The following FHOD3 variants were observed in gnomAD, a reference collection of about 807,000 sequenced individuals.
FHOD3 encodes the protein FH1/FH2 domain-containing protein 3.
FHOD3 carries 90 observed loss-of-function variants against 173.0 expected under a neutral mutation model. The ratio of observed to expected loss-of-function variants is 0.52; its 90% CI spans 0.44 to 0.62. The LOEUF is 0.62. Among genes scored for constraint, FHOD3 ranks in the 20% least tolerant of loss-of-function variants. FHOD3 has a pLI of 0.00. For missense variants in FHOD3, 1,945 were observed against 2,034.7 expected, an observed-to-expected ratio of 0.96 and a Z score of 0.85; for synonymous variants, 828 against 823.0, an observed-to-expected ratio of 1.01 and a Z score of -0.10.
chr18:36,642,030 T>C (rs1483759978), intron 10 of FHOD3, among the ~76,000 whole-genome samples: 1 of 151,632 alleles, frequency 6.6e-6, no homozygotes, highest in Non-Finnish European at 1.5e-5. Context: ...AGTAAACGAA[T>C]GCAGGAACAG....
At chr18:36,455,457 C>G (rs1479981968) in intron 3 of FHOD3, among the ~76,000 whole-genome samples, 1 of 152,014 alleles carries the variant, frequency 6.6e-6, no homozygotes, top group Non-Finnish European at 1.5e-5. Context: ...TTAATCCTAT[C>G]TATATATTAT....
At chr18:36,475,623 C>T (rs1251090321) in intron 3 of FHOD3, among the ~76,000 whole-genome samples, 1 of 152,074 alleles carries the variant, frequency 6.6e-6, no homozygotes, top group Admixed American at 6.6e-5. Context: ...GGTACAGAAA[C>T]TGTTACTCAT....
intron 17 of FHOD3, among the ~76,000 whole-genome samples, chr18:36,699,707 C>T (rs2039474652): frequency 6.6e-6 from 1 of 152,198 alleles, no homozygotes; most frequent in African/African-American, 2.4e-5. Context: ...CAAAATGATA[C>T]AACACCTGCA....
At chr18:36,570,819 A>G (rs1333139963) in intron 5 of FHOD3, among the ~76,000 whole-genome samples, 2 of 152,168 alleles carry the variant, frequency 1.3e-5, no homozygotes, top group African/African-American at 4.8e-5. Context: ...TCATTCATTC[A>G]TGATTTACAA....
At chr18:36,338,540 C>T (rs182273103) in intron 1 of FHOD3, among the ~76,000 whole-genome samples, 4 of 152,326 alleles carry the variant, frequency 2.6e-5, no homozygotes, top group African/African-American at 9.6e-5. Flanking sequence ...CCCATCATTT[C>T]ACAGCTGTGA....
At chr18:36,598,518 G>A (rs1319270408) in intron 7 of FHOD3, among the ~76,000 whole-genome samples, 1 of 152,150 alleles carries the variant, frequency 6.6e-6, no homozygotes, top group Admixed American at 6.5e-5. Flanking sequence ...CCAGCGTAAG[G>A]AGTGATCAGT....
chr18:36,508,133 G>C (rs2055406379), intron 4 of FHOD3, among the ~76,000 whole-genome samples: 1 of 152,150 alleles, frequency 6.6e-6, no homozygotes, highest in South Asian at 2.1e-4. Flanking sequence ...TCTGAGACTG[G>C]TGTGTGTGCG....
At chr18:36,386,316 G>A (rs1568203876) in intron 3 of FHOD3, among the ~76,000 whole-genome samples, 1 of 152,170 alleles carries the variant, frequency 6.6e-6, no homozygotes, top group Non-Finnish European at 1.5e-5. Flanking sequence ...ATGGGCATGG[G>A]TGCTGGGGTT....
At chr18:36,773,524 G>A (rs190378489) in intron 28 of FHOD3, among the ~76,000 whole-genome samples, 2 of 152,208 alleles carry the variant, frequency 1.3e-5, no homozygotes, top group South Asian at 2.1e-4. Context: ...TGGGTCTCAC[G>A]AGTGACTTGG....
At chr18:36,601,620 C>G (rs1450801140) in intron 7 of FHOD3, among the ~76,000 whole-genome samples, 1 of 152,156 alleles carries the variant, frequency 6.6e-6, no homozygotes, top group Non-Finnish European at 1.5e-5. Flanking sequence ...TCTGACATAG[C>G]CCATCCAAGG....
chr18:36,400,538 T>C (rs186422834), intron 3 of FHOD3, among the ~76,000 whole-genome samples: 2 of 152,318 alleles, frequency 1.3e-5, no homozygotes, highest in Non-Finnish European at 2.9e-5. Context: ...GAATTTTCCC[T>C]AGATCTCTGG....
At chr18:36,598,802 G>A (rs2030903990) in intron 7 of FHOD3, among the ~76,000 whole-genome samples, 1 of 152,184 alleles carries the variant, frequency 6.6e-6, no homozygotes, top group Non-Finnish European at 1.5e-5. Context: ...ACCCGCCTCG[G>A]CCTCCCAAAG....
At chr18:36,417,427 C>T (rs117413973) in intron 3 of FHOD3, among the ~76,000 whole-genome samples, 1,774 of 152,280 alleles carry the variant, frequency 0.012, 20 homozygotes, top group Non-Finnish European at 0.02. Context: ...GCATGGTATT[C>T]CATGGTGTAC....
intron 5 of FHOD3, among the ~76,000 whole-genome samples, chr18:36,560,209 C>A (rs1309077432): frequency 6.6e-6 from 1 of 152,186 alleles, no homozygotes; most frequent in Non-Finnish European, 1.5e-5. Context: ...TCCTTTCTGT[C>A]TGAGGGTAGT....
At chr18:36,619,411 A>G (rs2033516545) in intron 9 of FHOD3, among the ~76,000 whole-genome samples, 1 of 152,112 alleles carries the variant, frequency 6.6e-6, no homozygotes, top group Admixed American at 6.5e-5. Flanking sequence ...TCATGTCTCC[A>G]CCTCTGCAAA....
At chr18:36,451,469 C>T (rs912922730) in intron 3 of FHOD3, among the ~76,000 whole-genome samples, 2 of 152,224 alleles carry the variant, frequency 1.3e-5, no homozygotes, top group Admixed American at 1.3e-4. Flanking sequence ...TTCTCTCTAT[C>T]CGTGTCTATT....
At chr18:36,433,328 A>T (rs1309501739) in intron 3 of FHOD3, among the ~76,000 whole-genome samples, 2 of 152,212 alleles carry the variant, frequency 1.3e-5, no homozygotes, top group Non-Finnish European at 2.9e-5. Context: ...TAAGCCTCAA[A>T]GAATTACACA....
chr18:36,332,654 G>C (rs2045081816), intron 1 of FHOD3, among the ~76,000 whole-genome samples: 1 of 152,198 alleles, frequency 6.6e-6, no homozygotes, highest in Non-Finnish European at 1.5e-5. Flanking sequence ...ACAGCTTGAG[G>C]AGTTCCTGGA....
intron 5 of FHOD3, among the ~76,000 whole-genome samples, chr18:36,563,810 T>A (rs1191228812): frequency 6.6e-6 from 1 of 152,164 alleles, no homozygotes; most frequent in East Asian, 1.9e-4. Context: ...AAGGTATGTT[T>A]CTTGTCAGCC....
Sources: allele counts gnomAD v4.1 joint callset (sites outside exome capture counted in the v4.1 genomes callset), GRCh38; gene constraint gnomAD v4.1.1; transcripts MANE v1.5; gene names NCBI Gene and HGNC (gene_info 2026-07-23, HGNC 2026-07-21).